The following FKTN variants were observed in gnomAD, a reference collection of about 807,000 sequenced individuals.
FKTN encodes the protein fukutin.
In FKTN, 47 loss-of-function variants were observed where a neutral mutation model predicts 58.6. The observed-to-expected ratio is 0.80, with a 90% CI of 0.63 to 1.02. FKTN has a LOEUF of 1.02. Ranked by LOEUF, FKTN falls within the 50% of genes least tolerant of loss-of-function variation. The pLI is 0.00. For synonymous variants in FKTN, 178 were observed against 191.9 expected, an observed-to-expected ratio of 0.93 and a Z score of 0.60; for missense variants, 516 against 537.3, an observed-to-expected ratio of 0.96 and a Z score of 0.39.
chr9:105,639,138 C>T lies in FKTN; in HGVS notation c.*3874C>T, dbSNP rs1486985995. The stretch of plus-strand genomic sequence containing the variant: ...TAGTCAAGAAAGTGCCACATTCCCA[C>T]CTTCTAACAGGTAATTATTAGTTGT... On this transcript the variant is annotated 3_prime_UTR_variant, in exon 11 of 11. Coordinates refer to ENST00000357998, the MANE Select transcript of FKTN (RefSeq NM_001079802.2). 7 of 985,286 alleles carry T rather than the reference C, an allele frequency of 7.1e-6. No individual in the cohort carries two copies. The highest frequency in any genetic ancestry group is 8.4e-6 in the Non-Finnish European group (7 of 829,820). 61.0% of individuals were successfully genotyped at this position (985,286 alleles called of 1,614,324 possible).
chr9:105,616,439 G>C (rs1163131790), intron 8 of FKTN, among the ~76,000 whole-genome samples: 1 of 152,100 alleles, frequency 6.6e-6, no homozygotes. Flanking sequence ...AGACATCACT[G>C]TTCATCTGAC....
intron 4 of FKTN, among the ~76,000 whole-genome samples, chr9:105,597,643 C>G (rs1240971339): frequency 2.0e-5 from 3 of 152,046 alleles, no homozygotes; most frequent in African/African-American, 7.2e-5. Flanking sequence ...TCCATCCCAC[C>G]CTTAGGAAAC....
chr9:105,607,969 G>GT lies in FKTN; in HGVS notation c.780+19dup. On this transcript the variant is annotated intron_variant, in intron 7 of 10. Coordinates refer to ENST00000357998, the MANE Select transcript of FKTN (RefSeq NM_001079802.2). ...TCTTTCAGGTTAGAGACAACCAAAT[G>GT]TGTACTTTTAAATTAAAGAAAATGT... 6.2e-7 allele frequency: 1 copy of GT among 1,603,460 alleles called. No homozygotes were observed. The highest frequency in any genetic ancestry group is 8.5e-7 in the Non-Finnish European group (1 of 1,170,764).
chr9:105,628,758 T>C (rs981825031), intron 10 of FKTN, among the ~76,000 whole-genome samples: 42 of 152,286 alleles, frequency 2.8e-4, no homozygotes, highest in African/African-American at 9.9e-4. Flanking sequence ...TACTGATAAA[T>C]GCAATAACAT....
rs1243309044 is a variant in FKTN, at chr9:105,640,649, A to G, written c.*5385A>G. On this transcript the variant is annotated 3_prime_UTR_variant, in exon 11 of 11. Transcript: ENST00000357998. ...CTGGCACCTTCTAACCCAACCTAAT[A>G]CAGAGATTTTGTAGGGACCCATTAA... The G allele has an allele frequency of 6.6e-6, 1 of 152,138 alleles. No homozygotes were observed. The highest frequency in any genetic ancestry group is 2.4e-5 in the African/African-American group (1 of 41,404). 9.4% of individuals were successfully genotyped at this position (152,138 alleles called of 1,614,324 possible). A position where few individuals can be genotyped will look rare whatever the true frequency, so the allele number is the denominator to read the frequency against.
intron 7 of FKTN, 114 bp from the exon 8 acceptor site, chr9:105,615,164 G>C: frequency 1.8e-6 from 2 of 1,141,408 alleles, no homozygotes; most frequent in Non-Finnish European, 2.6e-6. Flanking sequence ...GGTTACAGGC[G>C]TGAGCCACTG....
intron 7 of FKTN, among the ~76,000 whole-genome samples, chr9:105,609,370 T>G (rs1023089720): frequency 2.0e-5 from 3 of 151,664 alleles, no homozygotes; most frequent in African/African-American, 7.3e-5. Flanking sequence ...CACTTGGGAG[T>G]AAGATGTTGA....
At position 105,617,944 on chromosome 9, in the gene FKTN, T is replaced by G; in HGVS notation, c.911-15T>G. ...AAACCTAAATTTTGTTAAAAAAATT[T>G]AATCTTCTTTTTAGGATGGTATCGA... On this transcript the variant is annotated splice_polypyrimidine_tract_variant and intron_variant, in intron 8 of 10. Coordinates refer to ENST00000357998, the MANE Select transcript of FKTN (RefSeq NM_001079802.2). 1 of 1,531,134 alleles carries G rather than the reference T, an allele frequency of 6.5e-7. No individual in the cohort carries two copies. 94.8% of individuals were successfully genotyped at this position (1,531,134 alleles called of 1,614,324 possible).
At chr9:105,606,610 C>T (rs1564297632) in intron 6 of FKTN, among the ~76,000 whole-genome samples, 1 of 150,950 alleles carries the variant, frequency 6.6e-6, no homozygotes, top group Admixed American at 6.6e-5. Context: ...TTAGTAACTT[C>T]CAGTGAGATA....
chr9:105,606,421 C>A (rs1828898153), intron 6 of FKTN, among the ~76,000 whole-genome samples: 1 of 151,856 alleles, frequency 6.6e-6, no homozygotes, highest in Non-Finnish European at 1.5e-5. Flanking sequence ...TTAACAATTA[C>A]AGGATTAAAA....
In FKTN at chr9:105,638,179, T is replaced by A; in HGVS notation, c.*2915T>A. 1 of 985,410 alleles carries A rather than the reference T, an allele frequency of 1.0e-6. No homozygotes were observed. 61.0% of individuals were successfully genotyped at this position (985,410 alleles called of 1,614,324 possible). A position where few individuals can be genotyped will look rare whatever the true frequency, so the allele number is the denominator to read the frequency against. On this transcript the variant is annotated 3_prime_UTR_variant, in exon 11 of 11. Coordinates refer to ENST00000357998, the MANE Select transcript of FKTN (RefSeq NM_001079802.2). ...AACCCAAGACTGCCGTGACTCCTAG[T>A]CCAATGTCTGTTTCGCATCACAACA...
chr9:105,564,550 G>C (rs1418138630), intron 1 of FKTN, among the ~76,000 whole-genome samples: 1 of 152,208 alleles, frequency 6.6e-6, no homozygotes, highest in Non-Finnish European at 1.5e-5. Flanking sequence ...GGGTATCAGT[G>C]ATGGAAGATC....
Position 105,581,854 on chromosome 9 carries a change from G to A in FKTN, c.105+6717G>A, listed in dbSNP as rs143039162. 3.8e-3 allele frequency among the ~76,000 whole-genome samples: 579 copies of A among 152,336 alleles called. 6 individuals are homozygous for A. Among genetic ancestry groups the A allele is most frequent in the African/African-American group, 0.013 (547 of 41,584 alleles). ...CGTAGGACCCTCCGAGCCAGGTGTG[G>A]GATATAGTCTCGTGGTGCACTGTTT... is the stretch of plus-strand genomic sequence containing the variant. On this transcript the variant is annotated intron_variant, in intron 3 of 10. Transcript: ENST00000357998.
intron 5 of FKTN, among the ~76,000 whole-genome samples, chr9:105,603,360 G>A (rs1828242514): frequency 6.6e-6 from 1 of 152,180 alleles, no homozygotes; most frequent in Non-Finnish European, 1.5e-5. Context: ...TGTTACAGTT[G>A]ATAATGAAAC....
intron 3 of FKTN, among the ~76,000 whole-genome samples, chr9:105,588,876 T>C (rs947657371): frequency 6.6e-6 from 1 of 152,202 alleles, no homozygotes; most frequent in African/African-American, 2.4e-5. Flanking sequence ...CCCTTTGGTT[T>C]CCTGTTGGGT....
intron 1 of FKTN, among the ~76,000 whole-genome samples, chr9:105,573,030 T>A (rs1301404451): frequency 6.6e-6 from 1 of 151,730 alleles, no homozygotes; most frequent in African/African-American, 2.4e-5. Context: ...AGGTGAGGAG[T>A]TCGTGACCAG....
In FKTN at chr9:105,638,236, CAG is replaced by C. The variant is rs1252621731; in HGVS notation, c.*2976_*2977del. 1.2e-5 allele frequency: 12 copies of C among 985,372 alleles called. No individual in the cohort carries two copies. Among genetic ancestry groups the C allele is most frequent in the Non-Finnish European group, 1.4e-5 (12 of 829,896 alleles). 61.0% of individuals were successfully genotyped at this position (985,372 alleles called of 1,614,324 possible). On this transcript the variant is annotated 3_prime_UTR_variant, in exon 11 of 11. Coordinates refer to ENST00000357998, the MANE Select transcript of FKTN (RefSeq NM_001079802.2). ...CTTTAACAGTGCTTGAGATGCTTAA[CAG>C]AGAAGGCATCCAGTGCTTCATTGAG...
At chr9:105,590,611 G>T (rs1157011394) in intron 3 of FKTN, among the ~76,000 whole-genome samples, 1 of 152,166 alleles carries the variant, frequency 6.6e-6, no homozygotes, top group Non-Finnish European at 1.5e-5. Context: ...GCGAGTCAAG[G>T]ATAACTCTAG....
At position 105,566,365 on chromosome 9, in the gene FKTN, G is replaced by T. The variant is rs565150415; in HGVS notation, c.-180-7290G>T. Among the ~76,000 whole-genome samples, 7 of 152,152 alleles carry T rather than the reference G, an allele frequency of 4.6e-5. No homozygotes were observed. In the South Asian group the frequency reaches 1.0e-3, roughly 23 times the overall value. On this transcript the variant is annotated intron_variant, in intron 1 of 10. Transcript: ENST00000357998. Reference sequence around the variant, plus strand: ...AAAAAATCAATGAATTCAGGAGCTGGTTTTTTGAAAAGGTCAACAAAATTG... The same window carrying T: ...AAAAAATCAATGAATTCAGGAGCTGTTTTTTTGAAAAGGTCAACAAAATTG...
Sources: allele counts gnomAD v4.1 joint callset (sites outside exome capture counted in the v4.1 genomes callset), GRCh38; gene constraint gnomAD v4.1.1; transcripts MANE v1.5; gene names NCBI Gene and HGNC (gene_info 2026-07-23, HGNC 2026-07-21).